The following LRMDA variants were observed in gnomAD, a reference collection of about 807,000 sequenced individuals.
LRMDA encodes leucine-rich melanocyte differentiation-associated protein.
In LRMDA, 18 loss-of-function variants were observed where a neutral mutation model predicts 29.8. The observed-to-expected ratio is 0.60, with a 90% confidence interval of 0.42 to 0.90. The LOEUF (loss-of-function observed/expected upper bound fraction) is 0.90. Among genes scored for constraint, LRMDA ranks in the 40% least tolerant of loss-of-function variants. The pLI is 0.00. For missense variants in LRMDA, 273 were observed against 273.9 expected, an observed-to-expected ratio of 1.00 and a Z score of 0.02; for synonymous variants, 125 against 109.4, an observed-to-expected ratio of 1.14 and a Z score of -0.89.
At chr10:75,719,296 GT>G (rs914959491) in intron 2 of LRMDA, among the ~76,000 whole-genome samples, 3 of 152,192 alleles carry the variant, frequency 2.0e-5, no homozygotes, top group African/African-American at 7.2e-5. Flanking sequence ...GCTTTTTGGG[GT>G]TGGCATTATT....
intron 2 of LRMDA, among the ~76,000 whole-genome samples, chr10:75,475,753 G>A (rs568651136): frequency 3.3e-5 from 5 of 152,232 alleles, no homozygotes; most frequent in Admixed American, 3.3e-4. Flanking sequence ...ATTATGTGGT[G>A]TTCTTGCTGG....
At chr10:75,739,038 C>T (rs777207067) in intron 2 of LRMDA, among the ~76,000 whole-genome samples, 4 of 152,210 alleles carry the variant, frequency 2.6e-5, no homozygotes, top group Non-Finnish European at 4.4e-5. Context: ...GTTAAATTAC[C>T]TCCTATCAGG....
At chr10:76,055,845 A>G (rs1024069855) in intron 4 of LRMDA, among the ~76,000 whole-genome samples, 2 of 152,216 alleles carry the variant, frequency 1.3e-5, no homozygotes, top group African/African-American at 2.4e-5. Flanking sequence ...ACAGAGCCCC[A>G]AAGAGGGTGT....
intron 2 of LRMDA, among the ~76,000 whole-genome samples, chr10:75,531,669 T>C (rs117526961): frequency 0.028 from 4,284 of 152,286 alleles, 103 homozygotes; most frequent in Middle Eastern, 0.044. Context: ...CAGGGTCTTT[T>C]AATCACCTAG....
chr10:75,457,499 C>T (rs534455904), intron 2 of LRMDA, among the ~76,000 whole-genome samples: 10 of 151,462 alleles, frequency 6.6e-5, no homozygotes, highest in Admixed American at 3.9e-4. Flanking sequence ...ACAGGAGTTG[C>T]GGGGGAGACA....
At chr10:76,494,203 C>T (rs1842860625) in intron 6 of LRMDA, among the ~76,000 whole-genome samples, 1 of 151,846 alleles carries the variant, frequency 6.6e-6, no homozygotes, top group South Asian at 2.1e-4. Flanking sequence ...CTGGTTTAAA[C>T]CTCCAGTCAT....
In LRMDA at chr10:76,558,215, C is replaced by CTAT. The variant is rs1370657296; in HGVS notation, c.*929_*931dup. 2.6e-5 allele frequency: 4 copies of CTAT among 152,080 alleles called. No homozygotes were observed. Among genetic ancestry groups the CTAT allele is most frequent in the Non-Finnish European group, 5.9e-5 (4 of 68,060 alleles). 9.4% of individuals were successfully genotyped at this position (152,080 alleles called of 1,614,324 possible). A position where few individuals can be genotyped will look rare whatever the true frequency, so the allele number is the denominator to read the frequency against. ...TGGGGCTGGCTTGCTCCTTTGGGTG[C>CTAT]TATTTAAAGGGAGTGAGGTGATGAA... On this transcript the variant is annotated 3_prime_UTR_variant, in exon 7 of 7. Coordinates refer to ENST00000611255, the MANE Select transcript of LRMDA (RefSeq NM_001305581.2).
At chr10:75,779,177 C>T (rs1451591588) in intron 2 of LRMDA, among the ~76,000 whole-genome samples, 1 of 152,168 alleles carries the variant, frequency 6.6e-6, no homozygotes, top group African/African-American at 2.4e-5. Flanking sequence ...GTGCTCTTTT[C>T]ACTTCTGTAA....
intron 6 of LRMDA, among the ~76,000 whole-genome samples, chr10:76,352,726 A>G (rs918544529): frequency 6.6e-6 from 1 of 152,108 alleles, no homozygotes; most frequent in Non-Finnish European, 1.5e-5. Context: ...TATTATTATT[A>G]TTATCAATAG....
chr10:75,749,898 T>C (rs1173432842), intron 2 of LRMDA, among the ~76,000 whole-genome samples: 2 of 152,236 alleles, frequency 1.3e-5, no homozygotes, highest in Admixed American at 1.3e-4. Context: ...TTAATCCATT[T>C]AACCCTGAGT....
In LRMDA at chr10:76,473,473, A is replaced by G. The variant is rs961213654; in HGVS notation, c.602-83736A>G. ...CAGGAACAAGACCAAGAAATCCACT[A>G]TCTCCACTTTTATTTAACATTACAG... On this transcript the variant is annotated intron_variant, in intron 6 of 6. Coordinates refer to ENST00000611255, the MANE Select transcript of LRMDA (RefSeq NM_001305581.2). Among the ~76,000 whole-genome samples the G allele has an allele frequency of 1.5e-3, 225 of 151,722 alleles. 3 individuals are homozygous for G. The highest frequency in any genetic ancestry group is 2.4e-4 in the Non-Finnish European group (16 of 67,646).
intron 2 of LRMDA, among the ~76,000 whole-genome samples, chr10:75,795,695 G>A (rs1357929519): frequency 2.0e-5 from 3 of 152,064 alleles, no homozygotes; most frequent in Non-Finnish European, 4.4e-5. Flanking sequence ...TATTTCTTTT[G>A]AAGCATCTTT....
intron 2 of LRMDA, among the ~76,000 whole-genome samples, chr10:75,678,850 T>C (rs886887895): frequency 6.6e-6 from 1 of 152,198 alleles, no homozygotes; most frequent in African/African-American, 2.4e-5. Flanking sequence ...GTACAAGTGA[T>C]TTCCAGTCTT....
chr10:76,363,275 GA>G (rs373287707), intron 6 of LRMDA, among the ~76,000 whole-genome samples: 601 of 10,480 alleles, frequency 0.057, 103 homozygotes, highest in African/African-American at 0.21. Flanking sequence ...AGGAAGGAAG[GA>G]AAGGAAGGAA....
intron 2 of LRMDA, among the ~76,000 whole-genome samples, chr10:75,645,566 G>A (rs1287714245): frequency 6.6e-6 from 1 of 152,142 alleles, no homozygotes; most frequent in African/African-American, 2.4e-5. Context: ...TAGACTTGAT[G>A]CTGTGGGTCG....
intron 6 of LRMDA, among the ~76,000 whole-genome samples, chr10:76,548,080 C>T (rs1843443581): frequency 6.6e-6 from 1 of 152,046 alleles, no homozygotes; most frequent in Non-Finnish European, 1.5e-5. Context: ...GAAAAGTAAG[C>T]GGAAAAGCAA....
chr10:75,701,502 G>A (rs1283851161), intron 2 of LRMDA, among the ~76,000 whole-genome samples: 4 of 152,180 alleles, frequency 2.6e-5, no homozygotes, highest in African/African-American at 9.7e-5. Flanking sequence ...CCTGGATTTG[G>A]AAGCTCTCTC....
chr10:75,859,646 CAT>C (rs58488329), intron 2 of LRMDA, among the ~76,000 whole-genome samples: 2,941 of 130,202 alleles, frequency 0.023, 111 homozygotes, highest in African/African-American at 0.092. Flanking sequence ...CACACACACA[CAT>C]ACATCTGGCC....
rs1264248470 is a variant in LRMDA at position 76,406,219 on chromosome 10, C to T, written c.601+81734C>T. Among the ~76,000 whole-genome samples, 5 of 152,260 alleles carry T rather than the reference C, an allele frequency of 3.3e-5. No individual in the cohort carries two copies. In the South Asian group the frequency reaches 8.3e-4, roughly 25 times the overall value. ...AGTCCACACATCCTGTACTAACAGG[C>T]GGAAAGGGAACATCATGGCATTTAT... On this transcript the variant is annotated intron_variant, in intron 6 of 6. Transcript: ENST00000611255.
Sources: gnomAD v4.1 joint callset for allele counts (sites outside exome capture counted in the v4.1 genomes callset) on GRCh38, gnomAD v4.1.1 for gene constraint, MANE v1.5 for transcripts, NCBI Gene and HGNC (gene_info 2026-07-23, HGNC 2026-07-21) for gene names.